The following UBE2F variants were observed in gnomAD, a reference collection of about 807,000 sequenced individuals.
UBE2F encodes the protein ubiquitin conjugating enzyme E2 F (putative).
A neutral mutation model predicts 29.6 loss-of-function variants in UBE2F; 5 were observed. That is an observed-to-expected ratio of 0.17 (90% CI 0.09 to 0.36). The LOEUF is 0.36. Among genes scored for constraint, UBE2F ranks in the 10% least tolerant of loss-of-function variants. The pLI, the probability that UBE2F is intolerant of heterozygous loss-of-function variation, is 1.00. For synonymous variants in UBE2F, 66 were observed against 81.8 expected, an observed-to-expected ratio of 0.81 and a Z score of 1.04; for missense variants, 141 against 228.5, an observed-to-expected ratio of 0.62 and a Z score of 2.47.
rs1262956415 is a variant in UBE2F, at chr2:238,040,665, A to G, written c.508-623A>G. Among the ~76,000 whole-genome samples, 1 of 152,072 alleles carries G rather than the reference A, an allele frequency of 6.6e-6. No homozygotes were observed. Among genetic ancestry groups the G allele is most frequent in the African/African-American group, 2.4e-5 (1 of 41,398 alleles). On this transcript the variant is annotated intron_variant, in intron 9 of 9. Transcript: ENST00000272930. This position sits in a 1 kb window ranked among gnomAD's most constrained non-coding sequence, Gnocchi z 4.4. ...CTGACAGTGGCCCAGATCCGAGAAGATTGTTCCACCCATACTGGCCTGGGG... is the reference window on the plus strand; with the variant it reads ...CTGACAGTGGCCCAGATCCGAGAAGGTTGTTCCACCCATACTGGCCTGGGG...
chr2:238,027,248 A>G (rs1357987598), intron 6 of UBE2F, among the ~76,000 whole-genome samples: 1 of 152,268 alleles, frequency 6.6e-6, no homozygotes, highest in Non-Finnish European at 1.5e-5. Context: ...GAAATGATCA[A>G]CTGGATTAAC....
chr2:237,994,712 C>T, intron 3 of UBE2F, 32 bp from the exon 4 acceptor site: 1 of 1,597,698 alleles, frequency 6.3e-7, no homozygotes, highest in Non-Finnish European at 8.6e-7. Flanking sequence ...TGCTCACTGC[C>T]AGACCTTCCT....
chr2:238,039,167 G>A (rs980447402), intron 9 of UBE2F, among the ~76,000 whole-genome samples: 9 of 152,310 alleles, frequency 5.9e-5, no homozygotes, highest in South Asian at 2.1e-4. Flanking sequence ...CCCAGGAGGC[G>A]GAGGTTGCAG....
intron 1 of UBE2F, among the ~76,000 whole-genome samples, chr2:237,970,361 C>T (rs1178736007): frequency 6.6e-6 from 1 of 152,146 alleles, no homozygotes; most frequent in African/African-American, 2.4e-5. Flanking sequence ...GGCTACAGAG[C>T]AAGACCTGTC....
rs773821183 is a variant in UBE2F at position 237,973,116 on chromosome 2, G to A, written c.9G>A (p.Thr3=). 2.5e-6 allele frequency: 4 copies of A among 1,612,594 alleles called. No homozygotes were observed. The highest frequency in any genetic ancestry group is 1.7e-5 in the Admixed American group (1 of 59,974). The change falls in exon 2 of 10, where the codon ACG becomes ACA. Residue 3 remains threonine (T), a synonymous_variant. Coordinates refer to ENST00000272930, the MANE Select transcript of UBE2F (RefSeq NM_080678.3). ...GGGTAAAGGCAGCAGTAATGCTAACGCTAGCAAGTAAACTGAAGCGTGACG... is the reference window on the plus strand; with the variant it reads ...GGGTAAAGGCAGCAGTAATGCTAACACTAGCAAGTAAACTGAAGCGTGACG... ML[T]LASKLKRDDG...
intron 5 of UBE2F, among the ~76,000 whole-genome samples, chr2:238,021,183 G>A (rs569969750): frequency 6.6e-6 from 1 of 152,162 alleles, no homozygotes; most frequent in Non-Finnish European, 1.5e-5. Context: ...CTCCTCACAT[G>A]TTGTTGGCCA....
intron 9 of UBE2F, among the ~76,000 whole-genome samples, chr2:238,036,616 C>G (rs2064715205): frequency 6.6e-6 from 1 of 152,262 alleles, no homozygotes; most frequent in Admixed American, 6.5e-5. Flanking sequence ...GGGCAGATTG[C>G]TTGAGCTCAG....
intron 4 of UBE2F, among the ~76,000 whole-genome samples, chr2:238,005,068 ATTG>A (rs2063872837): frequency 6.6e-6 from 1 of 152,212 alleles, no homozygotes; most frequent in African/African-American, 2.4e-5. Flanking sequence ...ATAAATTTGT[ATTG>A]TTCAAGGCAC....
chr2:237,999,742 A>G (rs1283801878), intron 4 of UBE2F, among the ~76,000 whole-genome samples: 1 of 151,602 alleles, frequency 6.6e-6, no homozygotes, highest in East Asian at 1.9e-4. Flanking sequence ...TTAGGCCCGT[A>G]CCACACTGTT....
At chr2:238,017,570 C>A (rs1185760135) in intron 5 of UBE2F, among the ~76,000 whole-genome samples, 1 of 152,176 alleles carries the variant, frequency 6.6e-6, no homozygotes, top group African/African-American at 2.4e-5. Context: ...TAATTCCACA[C>A]CCCCAAGTTG....
At chr2:237,999,207 TTTAC>T (rs1157459290) in intron 4 of UBE2F, among the ~76,000 whole-genome samples, 7 of 152,116 alleles carry the variant, frequency 4.6e-5, no homozygotes, top group African/African-American at 1.7e-4. Flanking sequence ...CTCAGCCTCT[TTTAC>T]TTAACGTAAT....
chr2:238,018,212 G>A (rs996674161), intron 5 of UBE2F, among the ~76,000 whole-genome samples: 1 of 152,140 alleles, frequency 6.6e-6, no homozygotes, highest in Non-Finnish European at 1.5e-5. Context: ...CAGTACAGAT[G>A]TTTAGAATTT....
chr2:237,999,216 C>G (rs935595764), intron 4 of UBE2F, among the ~76,000 whole-genome samples: 1 of 151,976 alleles, frequency 6.6e-6, no homozygotes, highest in Non-Finnish European at 1.5e-5. Flanking sequence ...TTTTACTTAA[C>G]GTAATGTTTT....
intron 8 of UBE2F, among the ~76,000 whole-genome samples, chr2:238,034,376 C>T (rs2064656307): frequency 2.0e-5 from 3 of 151,606 alleles, no homozygotes; most frequent in Admixed American, 6.6e-5. Flanking sequence ...TGCAGTGAGC[C>T]GAGATCACGC....
chr2:237,991,627 C>G (rs1313631792), intron 3 of UBE2F, among the ~76,000 whole-genome samples: 1 of 10,440 alleles, frequency 9.6e-5, no homozygotes, highest in Non-Finnish European at 2.1e-4. Flanking sequence ...TTTTTTGAGA[C>G]AGTCTTGCTC....
chr2:237,998,318 CT>C (rs1225087696), intron 4 of UBE2F, among the ~76,000 whole-genome samples: 1 of 152,170 alleles, frequency 6.6e-6, no homozygotes, highest in Non-Finnish European at 1.5e-5. Context: ...TCCTTGCCCC[CT>C]ACACCACCAT....
intron 4 of UBE2F, among the ~76,000 whole-genome samples, chr2:238,003,870 GTTTCC>G: frequency 6.6e-6 from 1 of 152,310 alleles, no homozygotes; most frequent in South Asian, 2.1e-4. Context: ...TCTTGAGGAA[GTTTCC>G]ATCACCTCAA....
chr2:238,002,231 A>AT (rs11437787), intron 4 of UBE2F, among the ~76,000 whole-genome samples: 3,138 of 42,594 alleles, frequency 0.074, 114 homozygotes, highest in African/African-American at 0.24. Flanking sequence ...CACCCAGATA[A>AT]TTTTTTTTTT....
intron 5 of UBE2F, among the ~76,000 whole-genome samples, chr2:238,022,836 T>G (rs536892055): frequency 2.0e-5 from 3 of 152,072 alleles, no homozygotes; most frequent in African/African-American, 7.2e-5. Context: ...TGTGGGCCAC[T>G]GGGGTTGGGG....
Sources: allele counts gnomAD v4.1 joint callset (sites outside exome capture counted in the v4.1 genomes callset), GRCh38; gene constraint gnomAD v4.1.1; non-coding constraint Gnocchi (gnomAD v3.1); transcripts MANE v1.5; gene names NCBI Gene and HGNC (gene_info 2026-07-23, HGNC 2026-07-21).